Variants in EEF1AKMT2 observed in about 807,000 individuals in gnomAD.
EEF1AKMT2 encodes the protein EEF1A lysine methyltransferase 2, also known as eukaryotic translation elongation factor 1 alpha lysine methyltransferase 2.
EEF1AKMT2 carries 32 observed loss-of-function variants against 35.8 expected under a neutral mutation model. The ratio of observed to expected loss-of-function variants is 0.89; its 90% CI spans 0.67 to 1.20. The LOEUF is 1.20. Among genes scored for constraint, EEF1AKMT2 ranks in the 50% most tolerant of loss-of-function variants. The pLI is 0.00. For synonymous variants in EEF1AKMT2, 121 were observed against 133.7 expected, an observed-to-expected ratio of 0.91 and a Z score of 0.65; for missense variants, 330 against 347.5, an observed-to-expected ratio of 0.95 and a Z score of 0.40.
intron 4 of EEF1AKMT2, among the ~76,000 whole-genome samples, chr10:124,769,248 A>ATATATATGTG (rs60863408): frequency 0.1 from 6,551 of 63,296 alleles, 614 homozygotes; most frequent in South Asian, 0.14. Flanking sequence ...ATATATATAT[A>ATATATATGTG]TGTGTGTATA....
chr10:124,769,632 AT>A (rs1950411412), intron 4 of EEF1AKMT2, among the ~76,000 whole-genome samples: 1 of 152,146 alleles, frequency 6.6e-6, no homozygotes, highest in South Asian at 2.1e-4. Context: ...TAAGTGTGCA[AT>A]AGCATTATGT....
At chr10:124,766,962 C>G (rs1589780687) in intron 4 of EEF1AKMT2, among the ~76,000 whole-genome samples, 1 of 151,172 alleles carries the variant, frequency 6.6e-6, no homozygotes, top group East Asian at 1.9e-4. Context: ...GAGATCAAGA[C>G]CATCCTGGCT....
intron 2 of EEF1AKMT2, among the ~76,000 whole-genome samples, chr10:124,789,581 G>C (rs1255943536): frequency 6.6e-6 from 1 of 151,954 alleles, no homozygotes; most frequent in Non-Finnish European, 1.5e-5. Context: ...AACACAGTGA[G>C]ACCCTGTCTC....
downstream of EEF1AKMT2, among the ~76,000 whole-genome samples, chr10:124,756,608 T>C (rs2134114910): frequency 6.6e-6 from 1 of 152,302 alleles, no homozygotes; most frequent in East Asian, 1.9e-4. Flanking sequence ...AAGCTCTCTT[T>C]TTTCCTGGTT....
chr10:124,786,859 C>T (rs1209220145), intron 3 of EEF1AKMT2, among the ~76,000 whole-genome samples: 1 of 151,958 alleles, frequency 6.6e-6, no homozygotes, highest in African/African-American at 2.4e-5. Context: ...AGCTATTAAT[C>T]TCAAAGTATA....
chr10:124,769,849 G>A (rs111442052), intron 4 of EEF1AKMT2, among the ~76,000 whole-genome samples: 2,540 of 146,908 alleles, frequency 0.017, 76 homozygotes, highest in African/African-American at 0.06. Context: ...CGGAGGCTGA[G>A]GCAGGAGAAT....
chr10:124,769,491 T>C (rs988663954), intron 4 of EEF1AKMT2, among the ~76,000 whole-genome samples: 1 of 151,944 alleles, frequency 6.6e-6, no homozygotes, highest in African/African-American at 2.4e-5. Flanking sequence ...TTTACAAGCA[T>C]CCCTCAGAGA....
intron 3 of EEF1AKMT2, among the ~76,000 whole-genome samples, chr10:124,776,173 G>A (rs539448098): frequency 2.0e-5 from 3 of 151,748 alleles, no homozygotes; most frequent in Non-Finnish European, 2.9e-5. Context: ...CGCCCACCTC[G>A]GCCTACCGGT....
At chr10:124,783,919 G>C (rs1950563922) in intron 3 of EEF1AKMT2, among the ~76,000 whole-genome samples, 1 of 152,194 alleles carries the variant, frequency 6.6e-6, no homozygotes, top group Admixed American at 6.5e-5. Flanking sequence ...CCGCCTCCCA[G>C]GTTCAGGTGA....
At chr10:124,764,337 G>A (rs1950359049) in intron 5 of EEF1AKMT2, among the ~76,000 whole-genome samples, 1 of 149,566 alleles carries the variant, frequency 6.7e-6, no homozygotes, top group Non-Finnish European at 1.5e-5. Context: ...ATCTGAAAAG[G>A]ATTCTAAGAA....
chr10:124,779,137 C>CT lies in EEF1AKMT2; in HGVS notation c.292-4356dup, dbSNP rs905832940. 9.9e-5 allele frequency among the ~76,000 whole-genome samples: 15 copies of CT among 151,760 alleles called. No individual in the cohort carries two copies. The East Asian group carries it at 2.5e-3, about 26-fold the overall frequency. ...TCAATCCAGGGTCAGCAATCTTTTT[C>CT]TTTTTTTTATGGAAACAGGGTTTCC... is the stretch of plus-strand genomic sequence containing the variant. On this transcript the variant is annotated intron_variant, in intron 3 of 6. Transcript: ENST00000368836.
intron 3 of EEF1AKMT2, among the ~76,000 whole-genome samples, chr10:124,787,649 G>A (rs935497669): frequency 6.6e-6 from 1 of 151,598 alleles, no homozygotes; most frequent in Non-Finnish European, 1.5e-5. Context: ...CAAAATATGA[G>A]GCGACAGGAT....
chr10:124,782,719 A>G (rs562801373), intron 3 of EEF1AKMT2, among the ~76,000 whole-genome samples: 2 of 151,642 alleles, frequency 1.3e-5, no homozygotes, highest in African/African-American at 4.8e-5. Flanking sequence ...AGGCTGAGGC[A>G]GGAGAATCAC....
In EEF1AKMT2 at chr10:124,789,159, T is replaced by C. The variant is rs1397847465; in HGVS notation, c.177-2A>G. The C allele has an allele frequency of 1.9e-6, 3 of 1,594,916 alleles. No homozygotes were observed. The highest frequency in any genetic ancestry group is 1.7e-5 in the Admixed American group (1 of 59,626). Reference sequence around the variant, plus strand: ...CGATTCATACTCTCTTCTCCAAACCTGTTAGAGAGAATCAGTCAAATAACT... The same window carrying C: ...CGATTCATACTCTCTTCTCCAAACCCGTTAGAGAGAATCAGTCAAATAACT... On this transcript the variant is annotated splice_acceptor_variant, in intron 2 of 6. Coordinates refer to ENST00000368836, the MANE Select transcript of EEF1AKMT2 (RefSeq NM_212554.4). LOFTEE classifies it high-confidence loss of function.
In EEF1AKMT2 at chr10:124,791,871, A is replaced by G. The variant is rs1405006352; in HGVS notation, c.-38T>C. 6 of 1,534,936 alleles carry G rather than the reference A, an allele frequency of 3.9e-6. No individual in the cohort carries two copies. The highest frequency in any genetic ancestry group is 5.2e-6 in the Non-Finnish European group (6 of 1,146,470). On this transcript the variant is annotated 5_prime_UTR_variant, in exon 1 of 7. Transcript: ENST00000368836. ...CCTGGACGGCCGTTGGGGCCGCCATAGAGACGGGGCACAGGCAGAGCGGAC... is the reference window on the plus strand; with the variant it reads ...CCTGGACGGCCGTTGGGGCCGCCATGGAGACGGGGCACAGGCAGAGCGGAC...
intron 2 of EEF1AKMT2, 40 bp from the exon 3 acceptor site, chr10:124,789,197 G>A (rs1350253931): frequency 1.5e-6 from 2 of 1,362,856 alleles, no homozygotes; most frequent in East Asian, 4.6e-5. Flanking sequence ...GGGATACAGA[G>A]CAAAAGTCAC....
chr10:124,788,411 T>G (rs896805454), intron 3 of EEF1AKMT2, among the ~76,000 whole-genome samples: 1 of 152,126 alleles, frequency 6.6e-6, no homozygotes, highest in Admixed American at 6.6e-5. Flanking sequence ...TAAATTTTCC[T>G]GTTGCCAATG....
chr10:124,778,710 G>A (rs1234214550), intron 3 of EEF1AKMT2, among the ~76,000 whole-genome samples: 2 of 138,744 alleles, frequency 1.4e-5, no homozygotes, highest in African/African-American at 5.2e-5. Context: ...GTGACGGCGT[G>A]AGACTCCGTA....
intron 3 of EEF1AKMT2, among the ~76,000 whole-genome samples, chr10:124,782,577 G>A (rs1383324134): frequency 1.4e-5 from 1 of 69,060 alleles, no homozygotes; most frequent in Non-Finnish European, 2.7e-5. Context: ...GCGAGACTCC[G>A]TCTCAAAAAA....
Sources: allele counts gnomAD v4.1 joint callset (sites outside exome capture counted in the v4.1 genomes callset), GRCh38; gene constraint gnomAD v4.1.1; transcripts MANE v1.5; gene names NCBI Gene and HGNC (gene_info 2026-07-23, HGNC 2026-07-21).